TMPRSS11B: variants seen among roughly 807,000 people sequenced by gnomAD.
TMPRSS11B encodes transmembrane serine protease 11B.
In TMPRSS11B, 53 loss-of-function variants were observed where a neutral mutation model predicts 44.7. That is an observed-to-expected ratio of 1.19 (90% confidence interval 0.95 to 1.49). The LOEUF (loss-of-function observed/expected upper bound fraction) is 1.49. TMPRSS11B is among the 40% of genes most tolerant of loss of function. The probability of loss-of-function intolerance (pLI) is 0.00; values close to 1 mark genes in which losing one functional copy is unlikely to be tolerated. For missense variants in TMPRSS11B, 526 were observed against 494.8 expected (o/e 1.06, Z -0.60); for synonymous variants, 140 against 159.2 (o/e 0.88, Z 0.91).
chr4:68,236,232 A>C lies in TMPRSS11B; in HGVS notation c.159T>G (p.Ile53Met), dbSNP rs971036459. The C allele has an allele frequency of 6.2e-7, 1 of 1,611,770 alleles. No individual in the cohort carries two copies. Among genetic ancestry groups the C allele is most frequent in the African/African-American group, 1.3e-5 (1 of 74,868 alleles). Residue 53 changes from isoleucine (I) to methionine (M), a missense_variant, in exon 3 of 10, where the codon ATT (isoleucine) becomes ATG (methionine). By Grantham distance (10) the Ile-to-Met change is conservative. Transcript: ENST00000332644. Reference sequence around the variant, plus strand: ...AATTATCATTGTATGTGACTCCAGAAATATGAAAATCACCTTGATAATAGT... The same window carrying C: ...AATTATCATTGTATGTGACTCCAGACATATGAAAATCACCTTGATAATAGT... Reference protein sequence around the residue: ...KTYYYQGDFHISGVTYNDNCE... With the variant: ...KTYYYQGDFHMSGVTYNDNCE...
Position 68,241,798 on chromosome 4 carries a change from G to A in TMPRSS11B, c.15C>T (p.Gly5=), listed in dbSNP as rs968331903. Residue 5 remains glycine, a synonymous_variant, in exon 2 of 10, where the codon GGC becomes GGT. Coordinates refer to ENST00000332644, the MANE Select transcript of TMPRSS11B (RefSeq NM_182502.3). The part of the protein sequence containing the change: MYRH[G]ISSQRSWPLW... ...GTGGCCAAGATCTTTGGGAAGATAT[G>A]CCGTGCCTATGAAAGAGGAAAATTT... 1.1e-5 allele frequency: 17 copies of A among 1,610,858 alleles called. No individual in the cohort carries two copies. Among genetic ancestry groups the A allele is most frequent in the Non-Finnish European group, 1.4e-5 (17 of 1,177,612 alleles).
rs1176154922 is a variant in TMPRSS11B, at chr4:68,242,262, A to G, written c.9-458T>C. Among the ~76,000 whole-genome samples, 10 of 49,714 alleles carry G rather than the reference A, an allele frequency of 2.0e-4. 1 individual carries two copies. The highest frequency in any genetic ancestry group is 5.5e-4 in the African/African-American group (5 of 9,024). The allele number at this position is 49,714 out of a possible 152,430, so 32.6% of individuals were successfully genotyped here. A position where few individuals can be genotyped will look rare whatever the true frequency, so the allele number is the denominator to read the frequency against. Reference sequence around the variant, plus strand: ...TATTATATTATATATATTATAATATATATAATATAATATTATATATATTAT... The same window carrying G: ...TATTATATTATATATATTATAATATGTATAATATAATATTATATATATTAT... On this transcript the variant is annotated intron_variant, in intron 1 of 9. Transcript: ENST00000332644.
In TMPRSS11B at chr4:68,226,984, A is replaced by C. The variant is rs934490685; in HGVS notation, c.*927T>G. ...ATGAGGACAAATTTGTGTAAGGATA[A>C]ATTTGTCAACTTATCACAGATGATG... On this transcript the variant is annotated 3_prime_UTR_variant, in exon 10 of 10. Transcript: ENST00000332644. 1 of 152,320 alleles carries C rather than the reference A, an allele frequency of 6.6e-6. No homozygotes were observed. The highest frequency in any genetic ancestry group is 2.1e-4 in the South Asian group (1 of 4,828). 9.4% of individuals were successfully genotyped at this position (152,320 alleles called of 1,614,324 possible).
At chr4:68,235,953 T>C (rs773168194) in intron 4 of TMPRSS11B, 49 bp downstream of exon 4, 1 of 1,106,298 alleles carries the variant, frequency 9.0e-7, no homozygotes, top group Non-Finnish European at 1.3e-6. Flanking sequence ...GGTTGTATGA[T>C]ATATCACCTA....
intron 5 of TMPRSS11B, 50 bp from the exon 6 acceptor site, chr4:68,232,466 G>A (rs748799697): frequency 2.0e-6 from 3 of 1,533,884 alleles, no homozygotes; most frequent in Non-Finnish European, 2.7e-6. Context: ...ATATCACCAA[G>A]CAATTGACTT....
chr4:68,239,325 C>T (rs1467273243), intron 2 of TMPRSS11B, among the ~76,000 whole-genome samples: 1 of 152,114 alleles, frequency 6.6e-6, no homozygotes, highest in Non-Finnish European at 1.5e-5. Flanking sequence ...CTCACTCACT[C>T]ACTTCACCCC....
At chr4:68,229,124 C>T in intron 8 of TMPRSS11B, 133 bp downstream of exon 8, 1 of 1,022,520 alleles carries the variant, frequency 9.8e-7, no homozygotes, top group Non-Finnish European at 1.4e-6. Flanking sequence ...TGCTTTTTGT[C>T]CCACCACTTG....
chr4:68,245,091 T>A (rs1037493346), intron 1 of TMPRSS11B, among the ~76,000 whole-genome samples: 1 of 152,184 alleles, frequency 6.6e-6, no homozygotes, highest in Non-Finnish European at 1.5e-5. Context: ...TTTGAGAACC[T>A]GCAGTTTGCC....
chr4:68,242,219 AT>A (rs1252383177), intron 1 of TMPRSS11B, among the ~76,000 whole-genome samples: 796 of 7,120 alleles, frequency 0.11, 42 homozygotes, highest in African/African-American at 0.17. Flanking sequence ...TATATATAAT[AT>A]TATATTATAT....
At chr4:68,244,082 T>C (rs1719937119) in intron 1 of TMPRSS11B, among the ~76,000 whole-genome samples, 1 of 152,198 alleles carries the variant, frequency 6.6e-6, no homozygotes. Context: ...TATTTTTGAA[T>C]AATAGCTGCA....
At chr4:68,245,094 A>T (rs894881134) in intron 1 of TMPRSS11B, among the ~76,000 whole-genome samples, 1 of 152,194 alleles carries the variant, frequency 6.6e-6, no homozygotes, top group Non-Finnish European at 1.5e-5. Context: ...GAGAACCTGC[A>T]GTTTGCCTGT....
chr4:68,241,695 C>T lies in TMPRSS11B; in HGVS notation c.118G>A (p.Ala40Thr), dbSNP rs374467762. ...GAAAATAATCAGTACTCACCAACTG[C>T]CAGAAAATGAACAAGAAGACCAATG... is the stretch of plus-strand genomic sequence containing the variant. ...VTIGLLVHFL[A>T]VEKTYYYQGD... is the part of the protein sequence containing the mutation. The change falls in exon 2 of 10, where the codon GCA becomes ACA. Residue 40 changes from alanine to threonine, a missense_variant. By Grantham distance (58) the Ala-to-Thr change is moderately conservative. Transcript: ENST00000332644. 9.8e-5 allele frequency: 158 copies of T among 1,605,564 alleles called. No individual in the cohort carries two copies. The highest frequency in any genetic ancestry group is 1.3e-4 in the Non-Finnish European group (154 of 1,173,166).
chr4:68,228,955 C>G (rs1309879694), intron 8 of TMPRSS11B, 71 bp from the exon 9 acceptor site: 2 of 1,502,096 alleles, frequency 1.3e-6, no homozygotes, highest in African/African-American at 2.8e-5. Flanking sequence ...CTACCTATAG[C>G]ATAAAGCAGA....
At position 68,243,422 on chromosome 4, in the gene TMPRSS11B, C is replaced by T. The variant is rs574758185; in HGVS notation, c.9-1618G>A. Among the ~76,000 whole-genome samples the T allele has an allele frequency of 2.4e-3, 358 of 152,244 alleles. 3 individuals carry two copies. Among genetic ancestry groups the T allele is most frequent in the Non-Finnish European group, 4.6e-3 (310 of 68,006 alleles). ...TTTCCTCTTCACTCTGTTCCACATT[C>T]TTAATCCTACCTCTTCCTTATACCT... On this transcript the variant is annotated intron_variant, in intron 1 of 9. Transcript: ENST00000332644.
chr4:68,239,797 G>A (rs934153189), intron 2 of TMPRSS11B, among the ~76,000 whole-genome samples: 6 of 152,168 alleles, frequency 3.9e-5, no homozygotes, highest in Non-Finnish European at 7.4e-5. Context: ...GTCATGCCCC[G>A]GTCCAACTGG....
chr4:68,241,097 G>A (rs1173767566), intron 2 of TMPRSS11B, among the ~76,000 whole-genome samples: 1 of 152,100 alleles, frequency 6.6e-6, no homozygotes, highest in African/African-American at 2.4e-5. Flanking sequence ...TGGAATGATG[G>A]ATGTCAAATT....
intron 6 of TMPRSS11B, 67 bp downstream of exon 6, chr4:68,232,311 A>T: frequency 6.9e-7 from 1 of 1,444,392 alleles, no homozygotes; most frequent in Non-Finnish European, 9.6e-7. Flanking sequence ...AAGTATTTTT[A>T]ATAGAAAAAT....
At chr4:68,236,309 G>C in intron 2 of TMPRSS11B, 43 bp from the exon 3 acceptor site, 1 of 1,311,930 alleles carries the variant, frequency 7.6e-7, no homozygotes, top group Non-Finnish European at 1.1e-6. Context: ...TTTTAAAGTG[G>C]AAAGTGACTT....
intron 1 of TMPRSS11B, among the ~76,000 whole-genome samples, chr4:68,242,936 G>A (rs1470226045): frequency 7.2e-5 from 11 of 152,142 alleles, no homozygotes; most frequent in Admixed American, 7.2e-4. Context: ...TCAGTTAGTT[G>A]TTTTATCATC....
Sources: allele counts gnomAD v4.1 joint callset (sites outside exome capture counted in the v4.1 genomes callset), GRCh38; gene constraint gnomAD v4.1.1; transcripts MANE v1.5; gene names NCBI Gene and HGNC (gene_info 2026-07-23, HGNC 2026-07-21).